The following EPB41L1 variants were observed in gnomAD, a reference collection of about 807,000 sequenced individuals.
The protein encoded by EPB41L1 is erythrocyte membrane protein band 4.1 like 1.
A neutral mutation model predicts 97.8 loss-of-function variants in EPB41L1; 29 were observed. The ratio of observed to expected loss-of-function variants is 0.30; its 90% CI spans 0.22 to 0.40. The LOEUF is 0.40. Ranked by LOEUF, EPB41L1 falls within the 10% of genes least tolerant of loss-of-function variation. The pLI is 1.00. For missense variants in EPB41L1, 812 were observed against 1,162.3 expected, an observed-to-expected ratio of 0.70 and a Z score of 4.38; for synonymous variants, 383 against 459.2, an observed-to-expected ratio of 0.83 and a Z score of 2.12.
Position 36,206,365 on chromosome 20 carries a change from G to A in EPB41L1, c.1669-3123G>A. 1 of 1,289,940 alleles carries A rather than the reference G, an allele frequency of 7.8e-7. No homozygotes were observed. The highest frequency in any genetic ancestry group is 1.2e-5 in the South Asian group (1 of 81,038). The allele number at this position is 1,289,940 out of a possible 1,614,324, so 79.9% of individuals were successfully genotyped here. A position where few individuals can be genotyped will look rare whatever the true frequency, so the allele number is the denominator to read the frequency against. On this transcript the variant is annotated intron_variant, in intron 14 of 21. Transcript: ENST00000338074. The surrounding 1 kb of genome is among the most constrained non-coding windows in gnomAD (Gnocchi z 5.5). ...AGCAGAGGTGGACGTCCTCTCTCCA[G>A]CCTCCGACAAGGGAGGACTCCAGTC...
In EPB41L1 at chr20:36,212,047, G is replaced by A. The variant is rs369752710; in HGVS notation, c.2080-225G>A. Among the ~76,000 whole-genome samples the A allele has an allele frequency of 9.8e-5, 15 of 152,324 alleles. No homozygotes were observed. Among genetic ancestry groups the A allele is most frequent in the East Asian group, 3.9e-4 (2 of 5,190 alleles). The stretch of plus-strand genomic sequence containing the variant: ...CCATGAGGGTGTGTGGCACAGGGGC[G>A]CAGGGCAGGCCTGCCTGGTCCTGGT... On this transcript the variant is annotated intron_variant, in intron 15 of 21. Transcript: ENST00000338074. This position sits in a 1 kb window ranked among gnomAD's most constrained non-coding sequence, Gnocchi z 4.8.
At chr20:36,173,676 G>A (rs1332299621) in intron 1 of EPB41L1, 88 bp from the exon 2 acceptor site, 3 of 1,222,076 alleles carry the variant, frequency 2.5e-6, no homozygotes, top group East Asian at 4.7e-5. Context: ...GCCTCCATCT[G>A]TCTCTCTCCG....
At chr20:36,157,824 C>T (rs952685346) in intron 1 of EPB41L1, among the ~76,000 whole-genome samples, 1 of 152,158 alleles carries the variant, frequency 6.6e-6, no homozygotes, top group African/African-American at 2.4e-5. Context: ...CTGGACACAT[C>T]CCGAGGCCAC....
Position 36,194,317 on chromosome 20 carries a change from A to G in EPB41L1, c.1406A>G (p.Glu469Gly). The part of the protein sequence containing the change: ...GESGGQRSEA[E>G]EGEVRTPTKI... ...TCTGGGGGGCAACGGTCAGAGGCTG[A>G]GGAGGGAGAGGTCAGGACTCCAACC... The change falls in exon 12 of 22, where the codon GAG becomes GGG. Residue 469 changes from glutamate (E) to glycine (G), a missense_variant. Glu to Gly is a moderately conservative substitution (Grantham distance 98). This residue lies in a region of EPB41L1 where 498 missense variants were observed against 622.7 expected (regional missense o/e 0.80). Coordinates refer to ENST00000338074, the MANE Select transcript of EPB41L1 (RefSeq NM_012156.2). 1 of 1,614,008 alleles carries G rather than the reference A, an allele frequency of 6.2e-7. No homozygotes were observed. Among genetic ancestry groups the G allele is most frequent in the Non-Finnish European group, 8.5e-7 (1 of 1,179,958 alleles).
At position 36,194,257 on chromosome 20, in the gene EPB41L1, G is replaced by A; in HGVS notation, c.1346G>A (p.Gly449Glu). ...TCGGTCAGCGAGAACCATGATGCAG[G>A]GCCTGACGGTGACAAGCGGGATGAG... ...PASVSENHDA[G>E]PDGDKRDEDG... Residue 449 changes from glycine to glutamate, a missense_variant, in exon 12 of 22, where the codon GGG becomes GAG. Physicochemically the swap from Gly to Glu is moderately conservative, Grantham distance 98. Coordinates refer to ENST00000338074, the MANE Select transcript of EPB41L1 (RefSeq NM_012156.2). The A allele has an allele frequency of 6.2e-7, 1 of 1,614,192 alleles. No homozygotes were observed. Among genetic ancestry groups the A allele is most frequent in the Non-Finnish European group, 8.5e-7 (1 of 1,180,038 alleles).
At chr20:36,224,374 A>G (rs1376685008) in intron 21 of EPB41L1, among the ~76,000 whole-genome samples, 2 of 152,208 alleles carry the variant, frequency 1.3e-5, no homozygotes, top group Non-Finnish European at 1.5e-5. Context: ...CTGGCCAGGC[A>G]CGGTGGCTTA....
At chr20:36,142,205 T>C (rs1230826562) in intron 2 of EPB41L1, among the ~76,000 whole-genome samples, 1 of 152,222 alleles carries the variant, frequency 6.6e-6, no homozygotes, top group African/African-American at 2.4e-5. Context: ...CTTTTTTACC[T>C]GTATTGTGTT....
chr20:36,163,377 C>T (rs2060610403), intron 1 of EPB41L1, among the ~76,000 whole-genome samples: 1 of 152,098 alleles, frequency 6.6e-6, no homozygotes, highest in African/African-American at 2.4e-5. Context: ...TCACAGTAAG[C>T]CTGTGAGGTA....
intron 17 of EPB41L1, 135 bp from the exon 18 acceptor site, chr20:36,218,741 C>T (rs555800475): frequency 8.7e-6 from 7 of 804,042 alleles, no homozygotes; most frequent in East Asian, 2.7e-5. Flanking sequence ...CGGAACTGAA[C>T]GATGCCTTCA....
chr20:36,177,930 G>A (rs377144274), intron 3 of EPB41L1, 22 bp from the exon 4 acceptor site: 2 of 1,603,448 alleles, frequency 1.2e-6, no homozygotes, highest in African/African-American at 1.3e-5. Context: ...CAGCCTCATA[G>A]CTGCTCTGCT....
chr20:36,189,705 C>T (rs1214027989), intron 9 of EPB41L1, among the ~76,000 whole-genome samples: 4 of 152,218 alleles, frequency 2.6e-5, no homozygotes, highest in Non-Finnish European at 4.4e-5. Context: ...CCTTCATTCC[C>T]CTTGTAGCCC....
In EPB41L1 at chr20:36,194,292, T is replaced by C; in HGVS notation, c.1381T>C (p.Ser461Pro). The change falls in exon 12 of 22, where the codon TCT (serine) becomes CCT (proline). Residue 461 changes from serine to proline, a missense_variant. By Grantham distance (74) the Ser-to-Pro change is moderately conservative. This residue lies in a region of EPB41L1 where 498 missense variants were observed against 622.7 expected (regional missense o/e 0.80). Coordinates refer to ENST00000338074, the MANE Select transcript of EPB41L1 (RefSeq NM_012156.2). ...TGACAAGCGGGATGAGGATGGCGAG[T>C]CTGGGGGGCAACGGTCAGAGGCTGA... ...DGDKRDEDGE[S>P]GGQRSEAEEG... 1 of 1,613,808 alleles carries C rather than the reference T, an allele frequency of 6.2e-7. No individual in the cohort carries two copies. Among genetic ancestry groups the C allele is most frequent in the Non-Finnish European group, 8.5e-7 (1 of 1,179,956 alleles).
At chr20:36,107,424 T>G (rs1411746044) in intron 1 of EPB41L1, among the ~76,000 whole-genome samples, 1 of 151,906 alleles carries the variant, frequency 6.6e-6, no homozygotes, top group Non-Finnish European at 1.5e-5. Flanking sequence ...TTTCATCATA[T>G]TGGTCAGGCT....
Position 36,207,224 on chromosome 20 carries a change from CAGAG to C in EPB41L1, c.1669-2263_1669-2260del. On this transcript the variant is annotated intron_variant, in intron 14 of 21. Transcript: ENST00000338074. The surrounding 1 kb of genome is among the most constrained non-coding windows in gnomAD (Gnocchi z 4.9). Reference sequence around the variant, plus strand: ...CATGTCCATCTTTCGAAAGCCAGCCCAGAGCCCAAGGACCAAGTAGGGTTTGTGG... The same window carrying C: ...CATGTCCATCTTTCGAAAGCCAGCCCCCCAAGGACCAAGTAGGGTTTGTGG... The C allele has an allele frequency of 1.6e-6, 2 of 1,282,630 alleles. No individual in the cohort carries two copies. Among genetic ancestry groups the C allele is most frequent in the Non-Finnish European group, 2.0e-6 (2 of 984,258 alleles). 79.5% of individuals were successfully genotyped at this position (1,282,630 alleles called of 1,614,324 possible). A position where few individuals can be genotyped will look rare whatever the true frequency, so the allele number is the denominator to read the frequency against.
At chr20:36,178,714 G>A (rs773346933) in intron 5 of EPB41L1, 42 bp downstream of exon 5, 1 of 1,606,920 alleles carries the variant, frequency 6.2e-7, no homozygotes, top group Non-Finnish European at 8.5e-7. Context: ...TGGGTGAGGG[G>A]ATTCCAGGCC....
chr20:36,170,951 G>A (rs757892604), intron 1 of EPB41L1, among the ~76,000 whole-genome samples: 32 of 152,094 alleles, frequency 2.1e-4, no homozygotes, highest in Non-Finnish European at 3.7e-4. Context: ...TTTATTTAAG[G>A]TTGCTTTCCT....
chr20:36,158,775 T>C (rs1020345797), intron 1 of EPB41L1, among the ~76,000 whole-genome samples: 2 of 152,230 alleles, frequency 1.3e-5, no homozygotes, highest in Admixed American at 6.5e-5. Context: ...GTGGTTGTTA[T>C]ATAAAGCACC....
intron 21 of EPB41L1, 42 bp from the exon 22 acceptor site, chr20:36,229,290 C>G (rs559620460): frequency 6.7e-7 from 1 of 1,483,668 alleles, no homozygotes; most frequent in Non-Finnish European, 9.4e-7. Flanking sequence ...CCTTTCCCCC[C>G]ACTCCCCACC....
At chr20:36,137,250 A>AT (rs1283665581) in intron 2 of EPB41L1, among the ~76,000 whole-genome samples, 2 of 148,536 alleles carry the variant, frequency 1.3e-5, no homozygotes, top group Non-Finnish European at 3.0e-5. Flanking sequence ...CTAATTTTTT[A>AT]TTTTTTGTAG....
Sources: gnomAD v4.1 joint callset for allele counts (sites outside exome capture counted in the v4.1 genomes callset) on GRCh38, gnomAD v4.1.1 for gene constraint, gnomAD v4.1.1 regional missense constraint, Gnocchi (gnomAD v3.1) non-coding constraint, MANE v1.5 for transcripts, NCBI Gene and HGNC (gene_info 2026-07-23, HGNC 2026-07-21) for gene names.